INA: variants seen among roughly 807,000 people sequenced by gnomAD.
The protein encoded by INA is internexin neuronal intermediate filament protein alpha.
A neutral mutation model predicts 40.1 loss-of-function variants in INA; 35 were observed. The ratio of observed to expected loss-of-function variants is 0.87; its 90% CI spans 0.67 to 1.16. The LOEUF (loss-of-function observed/expected upper bound fraction) is 1.16. Among genes scored for constraint, INA ranks in the 50% most tolerant of loss-of-function variants. The pLI is 0.00. For missense variants in INA, 594 were observed against 686.7 expected, an observed-to-expected ratio of 0.87 and a Z score of 1.51; for synonymous variants, 290 against 316.9, an observed-to-expected ratio of 0.92 and a Z score of 0.90.
intron 2 of INA, among the ~76,000 whole-genome samples, chr10:103,287,790 G>A (rs2093089919): frequency 6.6e-6 from 1 of 151,610 alleles, no homozygotes; most frequent in African/African-American, 2.4e-5. Context: ...GAGAAACATG[G>A]TTTGGGGCCA....
At chr10:103,284,072 C>T (rs988327768) in intron 1 of INA, among the ~76,000 whole-genome samples, 1 of 151,374 alleles carries the variant, frequency 6.6e-6, no homozygotes, top group Non-Finnish European at 1.5e-5. Flanking sequence ...CCCGGCCCTG[C>T]ATGACTGTTT....
rs2093060309 is a variant in INA at position 103,277,142 on chromosome 10, T to C, written c.-70T>C. On this transcript the variant is annotated 5_prime_UTR_variant, in exon 1 of 3. Coordinates refer to ENST00000369849, the MANE Select transcript of INA (RefSeq NM_032727.4). This position sits in a 1 kb window ranked among gnomAD's most constrained non-coding sequence, Gnocchi z 5.6. ...CCGGGCGCACCGCCCCGCCGCGCCCTGCCTGCCGCACCTCTCCTTTCTTCT... is the reference window on the plus strand; with the variant it reads ...CCGGGCGCACCGCCCCGCCGCGCCCCGCCTGCCGCACCTCTCCTTTCTTCT... 4.1e-6 allele frequency: 6 copies of C among 1,468,620 alleles called. No individual in the cohort carries two copies. The South Asian group carries it at 8.2e-5, about 20-fold the overall frequency. 91.0% of individuals were successfully genotyped at this position (1,468,620 alleles called of 1,614,324 possible).
At position 103,277,535 on chromosome 10, in the gene INA, C is replaced by G. The variant is rs1194774620; in HGVS notation, c.324C>G (p.Phe108Leu). ...GCCTCAACGACCGCTTCGCCGTGTT[C>G]ATCGAGAAGGTGCATCAGCTGGAGA... The part of the protein sequence containing the change: ...LQGLNDRFAV[F>L]IEKVHQLETQ... Residue 108 changes from phenylalanine to leucine, a missense_variant, in exon 1 of 3, where the codon TTC (phenylalanine) becomes TTG (leucine). Transcript: ENST00000369849. This position sits in a 1 kb window ranked among gnomAD's most constrained non-coding sequence, Gnocchi z 5.6. 6.3e-7 allele frequency: 1 copy of G among 1,585,952 alleles called. No homozygotes were observed. The highest frequency in any genetic ancestry group is 8.5e-7 in the Non-Finnish European group (1 of 1,170,158).
chr10:103,284,967 ATATTTTATTT>A (rs137911103), intron 1 of INA, among the ~76,000 whole-genome samples: 12 of 150,978 alleles, frequency 7.9e-5, no homozygotes, highest in East Asian at 3.9e-4. Flanking sequence ...AGAGGACATT[ATATTTTATTT>A]TATTTTATTT....
At chr10:103,282,942 C>T (rs979224445) in intron 1 of INA, among the ~76,000 whole-genome samples, 4 of 152,140 alleles carry the variant, frequency 2.6e-5, no homozygotes, top group Admixed American at 6.5e-5. Flanking sequence ...TTATTGAGTT[C>T]TTCCTGTGTG....
rs2093065320 is a variant in INA at position 103,278,331 on chromosome 10, C to T, written c.1065+55C>T. 7 of 1,353,270 alleles carry T rather than the reference C, an allele frequency of 5.2e-6. No individual in the cohort carries two copies. The highest frequency in any genetic ancestry group is 6.0e-6 in the Non-Finnish European group (6 of 1,004,764). 83.8% of individuals were successfully genotyped at this position (1,353,270 alleles called of 1,614,324 possible). On this transcript the variant is annotated intron_variant, in intron 1 of 2. Coordinates refer to ENST00000369849, the MANE Select transcript of INA (RefSeq NM_032727.4). The surrounding 1 kb of genome is among the most constrained non-coding windows in gnomAD (Gnocchi z 4.9). ...GTGCCCTGCCCTCTTCCGCGCGTAC[C>T]CTCTTCCTCTGGTAAAACTGGGCCC...
rs1366680731 is a variant in INA at position 103,277,569 on chromosome 10, C to T, written c.358C>T (p.Arg120Cys). 1.3e-5 allele frequency: 20 copies of T among 1,573,692 alleles called. No homozygotes were observed. The highest frequency in any genetic ancestry group is 1.7e-5 in the Non-Finnish European group (20 of 1,165,604). ...EKVHQLETQN[R>C]ALEAELAALR... The stretch of plus-strand genomic sequence containing the variant: ...GGTGCATCAGCTGGAGACGCAGAAC[C>T]GCGCGTTGGAGGCCGAGCTGGCCGC... Residue 120 changes from arginine (R) to cysteine (C), a missense_variant, in exon 1 of 3, where the codon CGC becomes TGC. Physicochemically the swap from Arg to Cys is radical, Grantham distance 180 (BLOSUM62 -3). This residue lies in a region of INA where 215 missense variants were observed against 190.6 expected (regional missense o/e 1.13). Transcript: ENST00000369849. The surrounding 1 kb of genome is among the most constrained non-coding windows in gnomAD (Gnocchi z 5.6).
At position 103,277,429 on chromosome 10, in the gene INA, A is replaced by G. The variant is rs1395016492; in HGVS notation, c.218A>G (p.Asp73Gly). 8 of 1,562,642 alleles carry G rather than the reference A, an allele frequency of 5.1e-6. No homozygotes were observed. The South Asian group carries it at 8.1e-5, about 16-fold the overall frequency. The change falls in exon 1 of 3, where the codon GAC becomes GGC. Residue 73 changes from aspartate to glycine, a missense_variant. Transcript: ENST00000369849. This position sits in a 1 kb window ranked among gnomAD's most constrained non-coding sequence, Gnocchi z 5.6. ...GCCTATCGCCGGCCGCCGGCGTCCG[A>G]CGGGCTGGACCTGAGCCAGGCGGCG... ...GLAYRRPPAS[D>G]GLDLSQAAAR... is the part of the protein sequence containing the mutation.
chr10:103,286,991 T>A (rs779534286), intron 1 of INA, 44 bp from the exon 2 acceptor site: 2 of 1,598,498 alleles, frequency 1.3e-6, no homozygotes, highest in Non-Finnish European at 1.7e-6. Flanking sequence ...CTTGAGGAAT[T>A]TCAGCTGGTT....
At chr10:103,280,158 G>A in intron 1 of INA, 1 of 985,398 alleles carries the variant, frequency 1.0e-6, no homozygotes, top group Non-Finnish European at 1.2e-6. Context: ...TCCAGACATG[G>A]TCTACAGGAA....
chr10:103,277,537 T>C lies in INA; in HGVS notation c.326T>C (p.Ile109Thr). Residue 109 changes from isoleucine to threonine, a missense_variant, in exon 1 of 3, where the codon ATC (isoleucine) becomes ACC (threonine). By Grantham distance (89) the Ile-to-Thr change is moderately conservative. Coordinates refer to ENST00000369849, the MANE Select transcript of INA (RefSeq NM_032727.4). The surrounding 1 kb of genome is among the most constrained non-coding windows in gnomAD (Gnocchi z 5.6). ...CTCAACGACCGCTTCGCCGTGTTCA[T>C]CGAGAAGGTGCATCAGCTGGAGACG... ...QGLNDRFAVFIEKVHQLETQN... is the reference protein window; with the variant it reads ...QGLNDRFAVFTEKVHQLETQN... The C allele has an allele frequency of 6.3e-7, 1 of 1,586,130 alleles. No homozygotes were observed. The highest frequency in any genetic ancestry group is 8.5e-7 in the Non-Finnish European group (1 of 1,170,310).
rs41287486 is a variant in INA at position 103,288,755 on chromosome 10, T to G, written c.*86T>G. On this transcript the variant is annotated 3_prime_UTR_variant, in exon 3 of 3. Coordinates refer to ENST00000369849, the MANE Select transcript of INA (RefSeq NM_032727.4). ...CAGCCTATTCCTGAACTATAACACCTGCCACCACTATAAAATGTCTTCAAG... is the reference window on the plus strand; with the variant it reads ...CAGCCTATTCCTGAACTATAACACCGGCCACCACTATAAAATGTCTTCAAG... The G allele has an allele frequency of 2.5e-6, 2 of 791,382 alleles. No individual in the cohort carries two copies. Among genetic ancestry groups the G allele is most frequent in the Non-Finnish European group, 4.0e-6 (2 of 495,134 alleles). 49.0% of individuals were successfully genotyped at this position (791,382 alleles called of 1,614,324 possible).
In INA at chr10:103,277,600, G is replaced by A. The variant is rs1014072639; in HGVS notation, c.389G>A (p.Arg130Gln). The A allele has an allele frequency of 6.4e-7, 1 of 1,551,816 alleles. No individual in the cohort carries two copies. The highest frequency in any genetic ancestry group is 8.6e-7 in the Non-Finnish European group (1 of 1,156,606). Reference protein sequence around the residue: ...RALEAELAALRQRHAEPSRVG... With the variant: ...RALEAELAALQQRHAEPSRVG... ...TTGGAGGCCGAGCTGGCCGCGCTGC[G>A]ACAGCGCCACGCTGAGCCGTCGCGC... The change falls in exon 1 of 3, where the codon CGA becomes CAA. Residue 130 changes from arginine to glutamine, a missense_variant. Arg to Gln is a conservative substitution (Grantham distance 43, BLOSUM62 1). Transcript: ENST00000369849. This position sits in a 1 kb window ranked among gnomAD's most constrained non-coding sequence, Gnocchi z 5.6.
intron 1 of INA, chr10:103,279,858 T>G: frequency 9.9e-7 from 1 of 1,008,138 alleles, no homozygotes; most frequent in African/African-American, 1.7e-5. Context: ...ATCCATAACT[T>G]GAACTTTTCA....
chr10:103,278,128 G>C lies in INA; in HGVS notation c.917G>C (p.Arg306Pro), dbSNP rs776216981. 5.0e-6 allele frequency: 8 copies of C among 1,612,886 alleles called. No individual in the cohort carries two copies. The highest frequency in any genetic ancestry group is 6.8e-6 in the Non-Finnish European group (8 of 1,179,856). ...GCGGCGCGCAGCACCGAGGCCATCC[G>C]GGCCAGCCGCGAGGAGATCCACGAG... Reference protein sequence around the residue: ...EQAARSTEAIRASREEIHEYR... With the variant: ...EQAARSTEAIPASREEIHEYR... Residue 306 changes from arginine to proline, a missense_variant, in exon 1 of 3, where the codon CGG becomes CCG. Arg to Pro is a moderately radical substitution (Grantham distance 103). Around this residue, in one of 2 missense-constraint regions of INA, gnomAD observed 379 missense variants for 496.1 expected, o/e 0.76. Transcript: ENST00000369849. This position sits in a 1 kb window ranked among gnomAD's most constrained non-coding sequence, Gnocchi z 4.9.
rs1238110981 is a variant in INA at position 103,278,163 on chromosome 10, C to A, written c.952C>A (p.Gln318Lys). 2 of 1,612,202 alleles carry A rather than the reference C, an allele frequency of 1.2e-6. No individual in the cohort carries two copies. Among genetic ancestry groups the A allele is most frequent in the Non-Finnish European group, 1.7e-6 (2 of 1,179,640 alleles). Residue 318 changes from glutamine (Q) to lysine (K), a missense_variant, in exon 1 of 3, where the codon CAG (glutamine) becomes AAG (lysine). Coordinates refer to ENST00000369849, the MANE Select transcript of INA (RefSeq NM_032727.4). This position sits in a 1 kb window ranked among gnomAD's most constrained non-coding sequence, Gnocchi z 4.9. ...SREEIHEYRR[Q>K]LQARTIEIEG... The stretch of plus-strand genomic sequence containing the variant: ...CGAGGAGATCCACGAGTATCGGCGC[C>A]AGCTGCAGGCGCGCACCATCGAGAT...
At chr10:103,280,709 C>T (rs1413714593) in intron 1 of INA, 14 of 985,276 alleles carry the variant, frequency 1.4e-5, no homozygotes, top group Non-Finnish European at 1.7e-5. Flanking sequence ...ACAGTAAGTA[C>T]ACAATAGTGG....
intron 1 of INA, among the ~76,000 whole-genome samples, chr10:103,282,223 C>G (rs1006577911): frequency 1.3e-5 from 2 of 152,202 alleles, no homozygotes; most frequent in Non-Finnish European, 2.9e-5. Flanking sequence ...TCTCATCTGT[C>G]TAGAACTCAG....
At position 103,277,160 on chromosome 10, in the gene INA, T is replaced by G; in HGVS notation, c.-52T>G. On this transcript the variant is annotated 5_prime_UTR_variant, in exon 1 of 3. Transcript: ENST00000369849. The surrounding 1 kb of genome is among the most constrained non-coding windows in gnomAD (Gnocchi z 5.6). Reference sequence around the variant, plus strand: ...CGCGCCCTGCCTGCCGCACCTCTCCTTTCTTCTGTAGCTCGCGTTGAAGCC... The same window carrying G: ...CGCGCCCTGCCTGCCGCACCTCTCCGTTCTTCTGTAGCTCGCGTTGAAGCC... 1 of 1,514,632 alleles carries G rather than the reference T, an allele frequency of 6.6e-7. No individual in the cohort carries two copies. The highest frequency in any genetic ancestry group is 8.8e-7 in the Non-Finnish European group (1 of 1,137,694). 93.8% of individuals were successfully genotyped at this position (1,514,632 alleles called of 1,614,324 possible). A position where few individuals can be genotyped will look rare whatever the true frequency, so the allele number is the denominator to read the frequency against.
Sources: allele counts gnomAD v4.1 joint callset (sites outside exome capture counted in the v4.1 genomes callset), GRCh38; gene constraint gnomAD v4.1.1; regional missense constraint gnomAD v4.1.1; non-coding constraint Gnocchi (gnomAD v3.1); transcripts MANE v1.5; gene names NCBI Gene and HGNC (gene_info 2026-07-23, HGNC 2026-07-21).